Variants in ADCY8 observed in about 807,000 individuals in gnomAD.
ADCY8 encodes adenylate cyclase type 8.
A neutral mutation model predicts 119.7 loss-of-function variants in ADCY8; 51 were observed. That is an observed-to-expected ratio of 0.43 (90% CI 0.34 to 0.54). The LOEUF (loss-of-function observed/expected upper bound fraction) is 0.54, where lower values mean the gene tolerates loss of function less well. ADCY8 is among the 20% of genes least tolerant of loss of function. The pLI, the probability that ADCY8 is intolerant of heterozygous loss-of-function variation, is 0.03. For synonymous variants in ADCY8, 665 were observed against 651.0 expected (o/e 1.02, Z -0.33); for missense variants, 1,383 against 1,598.8 (o/e 0.87, Z 2.30).
chr8:130,921,777 A>G (rs928293931), intron 5 of ADCY8, among the ~76,000 whole-genome samples: 13 of 152,048 alleles, frequency 8.5e-5, no homozygotes, highest in Middle Eastern at 3.2e-3. Flanking sequence ...TATTTTTTAC[A>G]TATGCCAGAA....
chr8:130,794,433 A>G (rs1249758166), intron 15 of ADCY8, among the ~76,000 whole-genome samples: 1 of 151,950 alleles, frequency 6.6e-6, no homozygotes, highest in Non-Finnish European at 1.5e-5. Context: ...TTTACTAGAG[A>G]TGGGGTTTCA....
At chr8:130,805,595 C>A (rs1397385972) in intron 14 of ADCY8, among the ~76,000 whole-genome samples, 1 of 152,156 alleles carries the variant, frequency 6.6e-6, no homozygotes, top group East Asian at 1.9e-4. Flanking sequence ...AAGATGCTAA[C>A]TGATGGAGGG....
chr8:130,893,566 C>G (rs1296044713), intron 7 of ADCY8, among the ~76,000 whole-genome samples: 2 of 152,076 alleles, frequency 1.3e-5, no homozygotes, highest in Non-Finnish European at 2.9e-5. Context: ...AATGAATAAA[C>G]AAACATATAT....
At chr8:130,950,529 T>C (rs887215097) in intron 3 of ADCY8, among the ~76,000 whole-genome samples, 1 of 152,154 alleles carries the variant, frequency 6.6e-6, no homozygotes, top group African/African-American at 2.4e-5. Flanking sequence ...GCACAAGCAA[T>C]GGACTGGTCA....
At chr8:130,943,687 C>T (rs1213514888) in intron 3 of ADCY8, among the ~76,000 whole-genome samples, 2 of 152,138 alleles carry the variant, frequency 1.3e-5, no homozygotes, top group Non-Finnish European at 2.9e-5. Flanking sequence ...AACAGGAAGC[C>T]CTTTTTTCCT....
intron 12 of ADCY8, among the ~76,000 whole-genome samples, chr8:130,835,064 G>T (rs75216160): frequency 6.6e-6 from 1 of 152,168 alleles, no homozygotes; most frequent in African/African-American, 2.4e-5. Context: ...ATTAGTTCTG[G>T]GCATATTTTC....
At chr8:131,014,124 G>A (rs1429221735) in intron 1 of ADCY8, among the ~76,000 whole-genome samples, 16 of 152,164 alleles carry the variant, frequency 1.1e-4, no homozygotes, top group Admixed American at 1.0e-3. Flanking sequence ...GATGAGTATA[G>A]AGAATAGAGT....
intron 5 of ADCY8, among the ~76,000 whole-genome samples, chr8:130,915,929 A>C (rs1458854180): frequency 6.6e-6 from 1 of 152,100 alleles, no homozygotes; most frequent in Non-Finnish European, 1.5e-5. Context: ...CCTGGAAAAA[A>C]CGGTGCCCTT....
At chr8:130,956,546 C>A (rs569065937) in intron 2 of ADCY8, among the ~76,000 whole-genome samples, 1 of 152,238 alleles carries the variant, frequency 6.6e-6, no homozygotes, top group East Asian at 1.9e-4. Context: ...GCATTTATTA[C>A]ACCACATGGC....
At chr8:130,854,568 C>A (rs1817645664) in intron 9 of ADCY8, among the ~76,000 whole-genome samples, 1 of 152,130 alleles carries the variant, frequency 6.6e-6, no homozygotes, top group Non-Finnish European at 1.5e-5. Flanking sequence ...CTTGCAGCAA[C>A]CCTGAAGAAA....
At chr8:130,858,730 A>G (rs1447738900) in intron 9 of ADCY8, among the ~76,000 whole-genome samples, 1 of 152,154 alleles carries the variant, frequency 6.6e-6, no homozygotes, top group Admixed American at 6.5e-5. Flanking sequence ...TGCATGGGAG[A>G]CATATCATTA....
At chr8:130,976,512 G>A (rs1470836679) in intron 2 of ADCY8, among the ~76,000 whole-genome samples, 1 of 152,036 alleles carries the variant, frequency 6.6e-6, no homozygotes, top group East Asian at 1.9e-4. Context: ...ATGCTTCAGA[G>A]GTTATTTGAA....
At chr8:130,861,266 A>C (rs916450584) in intron 9 of ADCY8, among the ~76,000 whole-genome samples, 1 of 152,210 alleles carries the variant, frequency 6.6e-6, no homozygotes, top group Non-Finnish European at 1.5e-5. Context: ...TTGACAATGC[A>C]TTGACCTATA....
intron 17 of ADCY8, among the ~76,000 whole-genome samples, chr8:130,782,665 AT>A (rs1285687064): frequency 6.6e-6 from 1 of 152,242 alleles, no homozygotes; most frequent in Non-Finnish European, 1.5e-5. Context: ...CAGAAATGAC[AT>A]TGATAAGATT....
At chr8:130,807,035 T>C (rs879792244) in intron 14 of ADCY8, among the ~76,000 whole-genome samples, 1 of 152,184 alleles carries the variant, frequency 6.6e-6, no homozygotes, top group Non-Finnish European at 1.5e-5. Context: ...TGGGGAGGAA[T>C]TGATGAATAT....
intron 2 of ADCY8, among the ~76,000 whole-genome samples, chr8:130,963,116 T>A (rs1157414828): frequency 6.6e-6 from 1 of 151,346 alleles, no homozygotes; most frequent in East Asian, 1.9e-4. Context: ...TTTCTTTCTT[T>A]TTTTTTTTTT....
chr8:130,952,488 A>G (rs2130660536), intron 2 of ADCY8, among the ~76,000 whole-genome samples: 1 of 152,260 alleles, frequency 6.6e-6, no homozygotes, highest in African/African-American at 2.4e-5. Context: ...AATAACTACA[A>G]ATATCCTGAG....
At chr8:130,828,397 T>C (rs931579289) in intron 12 of ADCY8, among the ~76,000 whole-genome samples, 2 of 152,172 alleles carry the variant, frequency 1.3e-5, no homozygotes, top group Admixed American at 1.3e-4. Flanking sequence ...CACTTCCAAG[T>C]CACTCTGTGC....
chr8:131,006,858 G>A (rs959204), intron 1 of ADCY8, among the ~76,000 whole-genome samples: 2 of 151,948 alleles, frequency 1.3e-5, no homozygotes, highest in African/African-American at 2.4e-5. Context: ...AGATGACAAC[G>A]TTTCCATGGA....
Sources: gnomAD v4.1 joint callset for allele counts (sites outside exome capture counted in the v4.1 genomes callset) on GRCh38, gnomAD v4.1.1 for gene constraint, MANE v1.5 for transcripts, NCBI Gene and HGNC (gene_info 2026-07-23, HGNC 2026-07-21) for gene names.